NEMF: variants seen among roughly 807,000 people sequenced by gnomAD.
NEMF encodes the protein nuclear export mediator factor, also known as ribosome quality control complex subunit NEMF.
Under a neutral mutation model 162.2 loss-of-function variants are expected in NEMF, and 89 were observed. The observed-to-expected ratio is 0.55, with a 90% CI of 0.46 to 0.65. The LOEUF (loss-of-function observed/expected upper bound fraction) is 0.65. Among genes scored for constraint, NEMF ranks in the 30% least tolerant of loss-of-function variants. The probability of loss-of-function intolerance (pLI) is 0.00; values close to 1 mark genes in which losing one functional copy is unlikely to be tolerated. For synonymous variants in NEMF, 421 were observed against 404.5 expected (o/e 1.04, Z -0.49); for missense variants, 1,133 against 1,261.9 (o/e 0.90, Z 1.55).
rs1370125446 is a variant in NEMF, at chr14:49,784,097, ATAAC to A, written c.*535_*538del. 6 of 151,392 alleles carry A rather than the reference ATAAC, an allele frequency of 4.0e-5. No homozygotes were observed. The South Asian group carries it at 6.3e-4, about 16-fold the overall frequency. 9.4% of individuals were successfully genotyped at this position (151,392 alleles called of 1,614,324 possible). On this transcript the variant is annotated 3_prime_UTR_variant, in exon 33 of 33. Transcript: ENST00000298310. ...CTCCCAAATTTCAAGAAAATGTAGA[ATAAC>A]TACAGATGTATATAATTAGCATTTA...
intron 4 of NEMF, 140 bp downstream of exon 4, chr14:49,846,000 A>T: frequency 1.6e-6 from 1 of 635,216 alleles, no homozygotes; most frequent in Non-Finnish European, 2.6e-6. Flanking sequence ...ATTTTATTTT[A>T]TTTGTGTGGC....
At chr14:49,785,783 ACTGAGGGGGGGAGGATCAC>A (rs1040117067) in intron 29 of NEMF, 1 of 158,318 alleles carries the variant, frequency 6.3e-6, no homozygotes, top group African/African-American at 2.4e-5. Flanking sequence ...TACTCGGAAG[ACTGAGGGGGGGAGGATCAC>A]CTGAGCCCAG....
rs180877531 is a variant in NEMF at position 49,832,294 on chromosome 14, T to C, written c.736-17A>G. On this transcript the variant is annotated splice_polypyrimidine_tract_variant and intron_variant, in intron 8 of 32. Transcript: ENST00000298310. Reference sequence around the variant, plus strand: ...GATATATCCCTACAAAAATGCAACATTAAAATCATTCCTATTCATAATTAA... The same window carrying C: ...GATATATCCCTACAAAAATGCAACACTAAAATCATTCCTATTCATAATTAA... The C allele has an allele frequency of 7.5e-6, 11 of 1,473,972 alleles. No homozygotes were observed. The East Asian group carries it at 2.5e-4, about 33-fold the overall frequency. The allele number at this position is 1,473,972 out of a possible 1,614,324, so 91.3% of individuals were successfully genotyped here.
In NEMF at chr14:49,833,504, TG is replaced by T; in HGVS notation, c.662-9del. On this transcript the variant is annotated splice_polypyrimidine_tract_variant and intron_variant, in intron 7 of 32. Transcript: ENST00000298310. ...CAAGTACTTTTTCAATATCTAATGG[TG>T]GGGGAAAAAAAGGAAAAAAGGAGTG... 1 of 1,548,532 alleles carries T rather than the reference TG, an allele frequency of 6.5e-7. No homozygotes were observed. Among genetic ancestry groups the T allele is most frequent in the Non-Finnish European group, 8.8e-7 (1 of 1,139,408 alleles).
intron 4 of NEMF, among the ~76,000 whole-genome samples, chr14:49,845,372 A>T (rs1566711839): frequency 2.0e-5 from 3 of 151,612 alleles, no homozygotes; most frequent in Non-Finnish European, 4.4e-5. Context: ...GCCTCCCAAA[A>T]TGCTAGGATT....
At chr14:49,799,180 C>T (rs562244410) in intron 25 of NEMF, among the ~76,000 whole-genome samples, 1 of 112,048 alleles carries the variant, frequency 8.9e-6, no homozygotes, top group East Asian at 2.3e-4. Context: ...AGCACTCTAG[C>T]CTGGGCAACA....
chr14:49,792,501 C>T (rs545452219), intron 26 of NEMF, among the ~76,000 whole-genome samples: 7 of 152,254 alleles, frequency 4.6e-5, no homozygotes, highest in Admixed American at 6.5e-5. Context: ...CATGAGCCAC[C>T]GTGCCCAGCC....
chr14:49,832,378 C>T (rs372308110), intron 8 of NEMF, 101 bp from the exon 9 acceptor site: 2 of 773,874 alleles, frequency 2.6e-6, no homozygotes, highest in Non-Finnish European at 4.1e-6. Flanking sequence ...ATCACCCAGG[C>T]TGGAGTGCAG....
At chr14:49,792,818 A>G (rs1317827150) in intron 26 of NEMF, among the ~76,000 whole-genome samples, 1 of 152,120 alleles carries the variant, frequency 6.6e-6, no homozygotes. Context: ...CTCTAAAAAT[A>G]ATAAAAATAA....
In NEMF at chr14:49,811,424, G is replaced by A. The variant is rs965748854; in HGVS notation, c.1744+2564C>T. Among the ~76,000 whole-genome samples the A allele has an allele frequency of 4.7e-4, 4 of 8,452 alleles. No individual in the cohort carries two copies. In the Admixed American group the frequency reaches 9.3e-3, roughly 20 times the overall value. 5.5% of individuals were successfully genotyped at this position (8,452 alleles called of 152,430 possible). The stretch of plus-strand genomic sequence containing the variant: ...AGGTAGCTTTACTTTTGCCTAATTT[G>A]GATTTTTTTTTCTTTTTATTGCCTA... On this transcript the variant is annotated intron_variant, in intron 18 of 32. Coordinates refer to ENST00000298310, the MANE Select transcript of NEMF (RefSeq NM_004713.6).
In NEMF at chr14:49,782,145, AT is replaced by A; in HGVS notation, c.*2490del. 2.0e-6 allele frequency: 1 copy of A among 501,688 alleles called. No individual in the cohort carries two copies. Among genetic ancestry groups the A allele is most frequent in the Non-Finnish European group, 3.5e-6 (1 of 284,802 alleles). The allele number at this position is 501,688 out of a possible 1,614,324, so 31.1% of individuals were successfully genotyped here. A position where few individuals can be genotyped will look rare whatever the true frequency, so the allele number is the denominator to read the frequency against. On this transcript the variant is annotated 3_prime_UTR_variant, in exon 33 of 33. Coordinates refer to ENST00000298310, the MANE Select transcript of NEMF (RefSeq NM_004713.6). ...ACAGATCGTTCAGTTCAAACTCCTC[AT>A]TGCATAAATGAGAACGACCAGAGAG...
In NEMF at chr14:49,828,766, T is replaced by A. The variant is rs1280554725; in HGVS notation, c.1274A>T (p.Asp425Val). The A allele has an allele frequency of 1.3e-6, 2 of 1,557,332 alleles. No homozygotes were observed. Among genetic ancestry groups the A allele is most frequent in the Admixed American group, 1.9e-5 (1 of 53,810 alleles). Residue 425 changes from aspartate to valine, a missense_variant, in exon 14 of 33, where the codon GAT becomes GTT. Coordinates refer to ENST00000298310, the MANE Select transcript of NEMF (RefSeq NM_004713.6). ...ATTTTTCTCAACATTGACGTCACCA[T>A]CAACATCATCATCTTCCTCCTCTGA... ...LLSEEEDDDV[D>V]GDVNVEKNET... is the part of the protein sequence containing the mutation.
chr14:49,798,856 G>A (rs1230317706), intron 25 of NEMF, among the ~76,000 whole-genome samples: 10 of 151,810 alleles, frequency 6.6e-5, no homozygotes, highest in South Asian at 6.2e-4. Context: ...GCAGTGAGCC[G>A]AGATCATGCC....
At chr14:49,807,089 G>A (rs527563628) in intron 18 of NEMF, among the ~76,000 whole-genome samples, 1 of 152,056 alleles carries the variant, frequency 6.6e-6, no homozygotes, top group South Asian at 2.1e-4. Context: ...TCTATTTTCT[G>A]TCTCTATGGT....
At chr14:49,784,816 T>C (rs1046462114) in intron 32 of NEMF, 103 bp from the exon 33 acceptor site, 4 of 1,398,398 alleles carry the variant, frequency 2.9e-6, no homozygotes, top group Non-Finnish European at 4.0e-6. Context: ...GCTGAGATGG[T>C]TTTACTGCTT....
rs1161703423 is a variant in NEMF at position 49,783,967 on chromosome 14, T to G, written c.*669A>C. ...TTGTAGCTGGCCTATAATATATATA[T>G]ATTAGATGTTATATACAGTAGACTT... On this transcript the variant is annotated 3_prime_UTR_variant, in exon 33 of 33. Transcript: ENST00000298310. 6.6e-6 allele frequency: 1 copy of G among 152,132 alleles called. No individual in the cohort carries two copies. The highest frequency in any genetic ancestry group is 1.5e-5 in the Non-Finnish European group (1 of 68,000). 9.4% of individuals were successfully genotyped at this position (152,132 alleles called of 1,614,324 possible). A position where few individuals can be genotyped will look rare whatever the true frequency, so the allele number is the denominator to read the frequency against.
At chr14:49,802,805 T>C (rs1891018217) in intron 20 of NEMF, 78 bp from the exon 21 acceptor site, 1 of 1,037,554 alleles carries the variant, frequency 9.6e-7, no homozygotes, top group East Asian at 2.4e-5. Flanking sequence ...AAAAAATTAG[T>C]GTCAGATGAC....
chr14:49,789,689 G>C, intron 26 of NEMF, 116 bp from the exon 27 acceptor site: 1 of 1,372,946 alleles, frequency 7.3e-7, no homozygotes, highest in East Asian at 2.5e-5. Flanking sequence ...ACTGAATAAG[G>C]CACCATTATA....
In NEMF at chr14:49,813,662, G is replaced by GGTGTGTGTGT. The variant is rs57660068; in HGVS notation, c.1744+316_1744+325dup. 2.3e-3 allele frequency among the ~76,000 whole-genome samples: 344 copies of GGTGTGTGTGT among 148,660 alleles called. 4 individuals carry two copies. Among genetic ancestry groups the GGTGTGTGTGT allele is most frequent in the African/African-American group, 8.2e-3 (330 of 40,334 alleles). On this transcript the variant is annotated intron_variant, in intron 18 of 32. Coordinates refer to ENST00000298310, the MANE Select transcript of NEMF (RefSeq NM_004713.6). ...TTTATCATTACATCTTTTTTTATTA[G>GGTGTGTGTGT]GTGTGTGTGTGTGTGTGTGTGTGTG... is the stretch of plus-strand genomic sequence containing the variant.
Sources: gnomAD v4.1 joint callset for allele counts (sites outside exome capture counted in the v4.1 genomes callset) on GRCh38, gnomAD v4.1.1 for gene constraint, MANE v1.5 for transcripts, NCBI Gene and HGNC (gene_info 2026-07-23, HGNC 2026-07-21) for gene names.